P4HTM: variants seen among roughly 807,000 people sequenced by gnomAD.
P4HTM encodes the protein prolyl 4-hydroxylase, transmembrane, also known as transmembrane prolyl 4-hydroxylase.
Under a neutral mutation model 55.3 loss-of-function variants are expected in P4HTM, and 33 were observed. That is an observed-to-expected ratio of 0.60 (90% CI 0.45 to 0.80). The LOEUF is 0.80. Ranked by LOEUF, P4HTM falls within the 30% of genes least tolerant of loss-of-function variation. P4HTM has a pLI of 0.00. For synonymous variants in P4HTM, 272 were observed against 286.4 expected (o/e 0.95, Z 0.51); for missense variants, 542 against 696.5 (o/e 0.78, Z 2.50).
chr3:49,000,576 C>T (rs1559890418), intron 2 of P4HTM, among the ~76,000 whole-genome samples: 2 of 152,246 alleles, frequency 1.3e-5, no homozygotes, highest in South Asian at 4.1e-4. Flanking sequence ...GAAGACCGCT[C>T]TCCCAGGAAC....
rs747865116 is a variant in P4HTM, at chr3:48,990,545, C to T, written c.289C>T (p.His97Tyr). 38 of 1,610,324 alleles carry T rather than the reference C, an allele frequency of 2.4e-5. No homozygotes were observed. Among genetic ancestry groups the T allele is most frequent in the Non-Finnish European group, 2.8e-5 (33 of 1,179,100 alleles). The change falls in exon 1 of 9, where the codon CAC becomes TAC. Residue 97 changes from histidine to tyrosine, a missense_variant. His to Tyr is a moderately conservative substitution (Grantham distance 83, BLOSUM62 2). This residue lies in a region of P4HTM where 536 missense variants were observed against 672.1 expected (regional missense o/e 0.80). Coordinates refer to ENST00000383729, the MANE Select transcript of P4HTM (RefSeq NM_177939.3). The surrounding 1 kb of genome is among the most constrained non-coding windows in gnomAD (Gnocchi z 7.2). ...CGAAAGCAGCGATCCCGGGCCCCAA[C>T]ACCGTGCCCAGGGCCCCGGGCCCGA... Reference protein sequence around the residue: ...GDESSDPGPQHRAQGPGPEPT... With the variant: ...GDESSDPGPQYRAQGPGPEPT...
chr3:48,996,574 A>T (rs1338836490), intron 2 of P4HTM, among the ~76,000 whole-genome samples: 1 of 152,022 alleles, frequency 6.6e-6, no homozygotes, highest in Non-Finnish European at 1.5e-5. Context: ...GTTGGCTAGG[A>T]TGGTCTCAAT....
Position 48,992,888 on chromosome 3 carries a change from A to C in P4HTM, c.436+1974A>C, listed in dbSNP as rs1003092011. ...CACCGTGTTAGCCAGGATGGTCTCA[A>C]TCTCATGACCTCAGGTGATCTGCCC... On this transcript the variant is annotated intron_variant, in intron 2 of 8. Coordinates refer to ENST00000383729, the MANE Select transcript of P4HTM (RefSeq NM_177939.3). Among the ~76,000 whole-genome samples, 14 of 151,722 alleles carry C rather than the reference A, an allele frequency of 9.2e-5. No homozygotes were observed. The East Asian group carries it at 2.9e-3, about 31-fold the overall frequency.
chr3:48,990,407 A>G lies in P4HTM; in HGVS notation c.151A>G (p.Lys51Glu). 1.2e-6 allele frequency: 2 copies of G among 1,601,194 alleles called. No homozygotes were observed. The highest frequency in any genetic ancestry group is 1.7e-6 in the Non-Finnish European group (2 of 1,177,536). ...GEDAPVRPLC[K>E]PRGICSRAYF... ...GGACGCACCGGTGCGTCCGCTGTGC[A>G]AGCCCCGCGGCATCTGCTCGCGCGC... Residue 51 changes from lysine to glutamate, a missense_variant, in exon 1 of 9, where the codon AAG becomes GAG. Transcript: ENST00000383729. This position sits in a 1 kb window ranked among gnomAD's most constrained non-coding sequence, Gnocchi z 7.2.
chr3:49,000,386 CAAAAAATA>C (rs1222693419), intron 2 of P4HTM, among the ~76,000 whole-genome samples: 2 of 151,730 alleles, frequency 1.3e-5, no homozygotes, highest in South Asian at 2.1e-4. Flanking sequence ...TCCATCTCTA[CAAAAAATA>C]AAAAAATAAA....
At chr3:49,005,487 G>A (rs2092975126) in intron 6 of P4HTM, 1 of 1,342,180 alleles carries the variant, frequency 7.5e-7, no homozygotes, top group African/African-American at 1.5e-5. Flanking sequence ...AGCGCGCCCT[G>A]TTGCTTCTGC....
intron 2 of P4HTM, 200 bp downstream of exon 2, chr3:48,991,114 T>C: frequency 7.1e-6 from 4 of 567,178 alleles, no homozygotes; most frequent in Non-Finnish European, 1.3e-5. Context: ...TGCAGTCCAT[T>C]CTTCCATCAC....
At position 49,002,881 on chromosome 3, in the gene P4HTM, G is replaced by T; in HGVS notation, c.724+285G>T. The T allele has an allele frequency of 6.2e-6, 3 of 482,072 alleles. No individual in the cohort carries two copies. The highest frequency in any genetic ancestry group is 7.7e-6 in the Non-Finnish European group (2 of 259,504). The allele number at this position is 482,072 out of a possible 1,614,324, so 29.9% of individuals were successfully genotyped here. On this transcript the variant is annotated intron_variant, in intron 4 of 8. Coordinates refer to ENST00000383729, the MANE Select transcript of P4HTM (RefSeq NM_177939.3). This position sits in a 1 kb window ranked among gnomAD's most constrained non-coding sequence, Gnocchi z 4.4. ...TGAGAGCCTGGGGACAGGAAGTAGGGCTGCTAGTTGGCAGAGAACAGAGTG... is the reference window on the plus strand; with the variant it reads ...TGAGAGCCTGGGGACAGGAAGTAGGTCTGCTAGTTGGCAGAGAACAGAGTG...
In P4HTM at chr3:49,001,490, G is replaced by A. The variant is rs143747733; in HGVS notation, c.489G>A (p.Ala163=). The part of the protein sequence containing the change: ...DEECRLIIHL[A]QMKGLQRSQI... ...AGTGTCGGCTCATCATCCATCTGGC[G>A]CAGATGAAGGGGTTACAGCGCAGCC... The change falls in exon 3 of 9, where the codon GCG becomes GCA. Residue 163 remains alanine (A), a synonymous_variant. Transcript: ENST00000383729. The A allele has an allele frequency of 8.4e-5, 136 of 1,613,888 alleles. 1 individual carries two copies. The East Asian group carries it at 1.6e-3, about 19-fold the overall frequency.
At chr3:49,003,747 A>G (rs962112435) in intron 4 of P4HTM, 1 of 204,984 alleles carries the variant, frequency 4.9e-6, no homozygotes, top group African/African-American at 2.3e-5. Context: ...GAGAGTGGCC[A>G]CCACTCTATA....
chr3:49,006,923 C>T lies in P4HTM; in HGVS notation c.*16C>T, dbSNP rs1231411184. On this transcript the variant is annotated 3_prime_UTR_variant, in exon 9 of 9. Transcript: ENST00000383729. ...GGAACTCTGAGGGAAGAGTTAGCCC[C>T]GGTTCCCAGCCGCGGGTCGCCAGTT... 6.3e-7 allele frequency: 1 copy of T among 1,597,928 alleles called. No homozygotes were observed. Among genetic ancestry groups the T allele is most frequent in the Non-Finnish European group, 8.5e-7 (1 of 1,170,610 alleles).
Position 48,990,505 on chromosome 3 carries a change from C to T in P4HTM, c.249C>T (p.His83=). ...TGCTGGCGCTGCTGCTCTTCGTGCA[C>T]TACAGCAACGGCGACGAAAGCAGCG... The part of the protein sequence containing the change: ...GNVLALLLFV[H]YSNGDESSDP... Residue 83 remains histidine (H), a synonymous_variant, in exon 1 of 9, where the codon CAC becomes CAT. Transcript: ENST00000383729. This position sits in a 1 kb window ranked among gnomAD's most constrained non-coding sequence, Gnocchi z 7.2. 1 of 1,611,444 alleles carries T rather than the reference C, an allele frequency of 6.2e-7. No individual in the cohort carries two copies. Among genetic ancestry groups the T allele is most frequent in the Non-Finnish European group, 8.5e-7 (1 of 1,179,480 alleles).
At chr3:49,004,431 C>A in intron 5 of P4HTM, 171 bp downstream of exon 5, 1 of 670,610 alleles carries the variant, frequency 1.5e-6, no homozygotes, top group Non-Finnish European at 2.4e-6. Context: ...TTAACAAAGG[C>A]AAATTAGCCC....
intron 2 of P4HTM, among the ~76,000 whole-genome samples, chr3:48,993,450 A>C (rs1405334023): frequency 6.6e-6 from 1 of 152,178 alleles, no homozygotes; most frequent in Non-Finnish European, 1.5e-5. Context: ...GACACATCTG[A>C]GGAGGCACTG....
At chr3:48,994,895 G>A (rs1291244601) in intron 2 of P4HTM, among the ~76,000 whole-genome samples, 1 of 152,072 alleles carries the variant, frequency 6.6e-6, no homozygotes, top group Admixed American at 6.6e-5. Context: ...CGCCTCCCGG[G>A]TTCAAGTGAT....
chr3:49,004,487 G>A (rs2092970668), intron 5 of P4HTM: 6 of 567,964 alleles, frequency 1.1e-5, no homozygotes, highest in South Asian at 9.2e-5. Flanking sequence ...TAGAGATTGA[G>A]CACTTCTTTC....
intron 4 of P4HTM, chr3:49,003,330 T>C (rs2092967278): frequency 6.0e-6 from 1 of 165,760 alleles, no homozygotes; most frequent in Non-Finnish European, 1.3e-5. Flanking sequence ...CACACTGCTA[T>C]AGGCCCCAGA....
At chr3:48,993,438 C>G (rs938755526) in intron 2 of P4HTM, among the ~76,000 whole-genome samples, 19 of 152,142 alleles carry the variant, frequency 1.2e-4, no homozygotes, top group African/African-American at 4.6e-4. Context: ...CTACTATGAA[C>G]AGACACATCT....
At position 49,002,680 on chromosome 3, in the gene P4HTM, C is replaced by T. The variant is rs1373808145; in HGVS notation, c.724+84C>T. On this transcript the variant is annotated intron_variant, in intron 4 of 8. Transcript: ENST00000383729. This position sits in a 1 kb window ranked among gnomAD's most constrained non-coding sequence, Gnocchi z 4.4. Reference sequence around the variant, plus strand: ...CACAATTTTGAAAACTTGGGCCCTTCCCCCACAGCCAGGCAGCCTCTCTGC... The same window carrying T: ...CACAATTTTGAAAACTTGGGCCCTTTCCCCACAGCCAGGCAGCCTCTCTGC... 2.0e-6 allele frequency: 2 copies of T among 1,018,062 alleles called. No homozygotes were observed. The highest frequency in any genetic ancestry group is 1.7e-5 in the Admixed American group (1 of 58,316). 63.1% of individuals were successfully genotyped at this position (1,018,062 alleles called of 1,614,324 possible).
Sources: gnomAD v4.1 joint callset for allele counts (sites outside exome capture counted in the v4.1 genomes callset) on GRCh38, gnomAD v4.1.1 for gene constraint, gnomAD v4.1.1 regional missense constraint, Gnocchi (gnomAD v3.1) non-coding constraint, MANE v1.5 for transcripts, NCBI Gene and HGNC (gene_info 2026-07-23, HGNC 2026-07-21) for gene names.